Variants in CAMK4 observed in about 807,000 individuals in gnomAD.
CAMK4 encodes calcium/calmodulin-dependent protein kinase type IV.
A neutral mutation model predicts 44.9 loss-of-function variants in CAMK4; 22 were observed. The observed-to-expected ratio is 0.49, with a 90% CI of 0.35 to 0.70. CAMK4 has a LOEUF of 0.70. Among genes scored for constraint, CAMK4 ranks in the 30% least tolerant of loss-of-function variants. The pLI, the probability that CAMK4 is intolerant of heterozygous loss-of-function variation, is 0.01. For missense variants in CAMK4, 498 were observed against 586.8 expected (o/e 0.85, Z 1.56); for synonymous variants, 218 against 215.4 (o/e 1.01, Z -0.11).
chr5:111,336,373 T>C (rs1200878846), intron 1 of CAMK4, among the ~76,000 whole-genome samples: 1 of 151,250 alleles, frequency 6.6e-6, no homozygotes, highest in Non-Finnish European at 1.5e-5. Flanking sequence ...ATGCTTTATG[T>C]CAAAATAGTT....
chr5:111,404,034 G>A (rs1377041315), intron 5 of CAMK4, among the ~76,000 whole-genome samples: 10 of 152,198 alleles, frequency 6.6e-5, no homozygotes, highest in Non-Finnish European at 2.9e-5. Flanking sequence ...GTTGGGAAGT[G>A]CAGCCAGTGC....
At position 111,486,539 on chromosome 5, in the gene CAMK4, A is replaced by AC. The variant is rs1755633998; in HGVS notation, c.*2074dup. On this transcript the variant is annotated 3_prime_UTR_variant, in exon 11 of 11. Coordinates refer to ENST00000282356, the MANE Select transcript of CAMK4 (RefSeq NM_001744.6). ...CACACACACACACACACACACACAC[A>AC]CACGTGTTGGAAGAGCAAAGAGAGG... The AC allele has an allele frequency of 7.3e-6, 1 of 136,306 alleles. No homozygotes were observed. Among genetic ancestry groups the AC allele is most frequent in the Non-Finnish European group, 1.6e-5 (1 of 63,438 alleles). The allele number at this position is 136,306 out of a possible 1,614,324, so 8.4% of individuals were successfully genotyped here.
intron 1 of CAMK4, among the ~76,000 whole-genome samples, chr5:111,257,736 G>A (rs903941389): frequency 2.6e-5 from 4 of 152,130 alleles, no homozygotes; most frequent in African/African-American, 9.7e-5. Context: ...GCAAAGACAT[G>A]GAATCAACCC....
intron 1 of CAMK4, among the ~76,000 whole-genome samples, chr5:111,263,154 A>T (rs1750067570): frequency 6.6e-6 from 1 of 152,198 alleles, no homozygotes; most frequent in Admixed American, 6.5e-5. Flanking sequence ...ATAAATCTTG[A>T]CTATGTCAGG....
At position 111,491,574 on chromosome 5, in the gene CAMK4, G is replaced by C. The variant is rs535032946; in HGVS notation, c.*7108G>C. ...TACAACTTAGTGAAATTTTCCTACA[G>C]AACTAAAAACGCAAAATTGCATCAC... On this transcript the variant is annotated 3_prime_UTR_variant, in exon 11 of 11. Coordinates refer to ENST00000282356, the MANE Select transcript of CAMK4 (RefSeq NM_001744.6). 6.6e-6 allele frequency: 1 copy of C among 152,030 alleles called. No homozygotes were observed. Among genetic ancestry groups the C allele is most frequent in the African/African-American group, 2.4e-5 (1 of 41,390 alleles). 9.4% of individuals were successfully genotyped at this position (152,030 alleles called of 1,614,324 possible).
chr5:111,271,308 G>C (rs970372980), intron 1 of CAMK4, among the ~76,000 whole-genome samples: 4 of 152,122 alleles, frequency 2.6e-5, no homozygotes, highest in Non-Finnish European at 4.4e-5. Context: ...AACTCTCTCT[G>C]GGTTCTGGTT....
Position 111,484,412 on chromosome 5 carries a change from C to T in CAMK4, c.1368C>T (p.Ser456=). 7.7e-6 allele frequency: 12 copies of T among 1,560,454 alleles called. No homozygotes were observed. Among genetic ancestry groups the T allele is most frequent in the Non-Finnish European group, 1.0e-5 (12 of 1,155,080 alleles). The change falls in exon 11 of 11, where the codon AGC becomes AGT. Residue 456 remains serine, a synonymous_variant. Coordinates refer to ENST00000282356, the MANE Select transcript of CAMK4 (RefSeq NM_001744.6). The surrounding 1 kb of genome is among the most constrained non-coding windows in gnomAD (Gnocchi z 5.3). The part of the protein sequence containing the change: ...EAAAPREGQG[S]SAVGFEVPQQ... ...CAGCTCCCAGAGAAGGGCAAGGAAG[C>T]TCTGCTGTGGGTTTTGAAGTTCCAC...
intron 1 of CAMK4, among the ~76,000 whole-genome samples, chr5:111,247,682 TC>T (rs1301684382): frequency 1.3e-5 from 2 of 152,252 alleles, no homozygotes; most frequent in African/African-American, 4.8e-5. Context: ...TCAGTTTTGC[TC>T]CTAAGGACTT....
At chr5:111,283,375 A>G (rs1751102456) in intron 1 of CAMK4, among the ~76,000 whole-genome samples, 1 of 152,232 alleles carries the variant, frequency 6.6e-6, no homozygotes, top group Non-Finnish European at 1.5e-5. Context: ...ACCTCTTCAC[A>G]GTCAGAGTTA....
At position 111,278,983 on chromosome 5, in the gene CAMK4, G is replaced by A. The variant is rs569854853; in HGVS notation, c.161+54339G>A. 1.3e-4 allele frequency among the ~76,000 whole-genome samples: 20 copies of A among 152,238 alleles called. No homozygotes were observed. The East Asian group carries it at 3.7e-3, about 28-fold the overall frequency. On this transcript the variant is annotated intron_variant, in intron 1 of 10. Coordinates refer to ENST00000282356, the MANE Select transcript of CAMK4 (RefSeq NM_001744.6). Reference sequence around the variant, plus strand: ...GGTAGGGTACCGCAATACAACCTCTGGGGCAACCGTTAGAGACTATGATGG... The same window carrying A: ...GGTAGGGTACCGCAATACAACCTCTAGGGCAACCGTTAGAGACTATGATGG...
At position 111,485,526 on chromosome 5, in the gene CAMK4, C is replaced by T. The variant is rs985447712; in HGVS notation, c.*1060C>T. ...AAGAAAACATTATTGTTTATCAAAGCTCTTTTTTTATCCAATTGATGGTTA... is the reference window on the plus strand; with the variant it reads ...AAGAAAACATTATTGTTTATCAAAGTTCTTTTTTTATCCAATTGATGGTTA... On this transcript the variant is annotated 3_prime_UTR_variant, in exon 11 of 11. Transcript: ENST00000282356. The T allele has an allele frequency of 6.6e-6, 1 of 151,772 alleles. No individual in the cohort carries two copies. Among genetic ancestry groups the T allele is most frequent in the Non-Finnish European group, 1.5e-5 (1 of 67,908 alleles). The allele number at this position is 151,772 out of a possible 1,614,324, so 9.4% of individuals were successfully genotyped here.
chr5:111,427,337 G>A (rs1027675975), intron 5 of CAMK4, among the ~76,000 whole-genome samples: 11 of 152,234 alleles, frequency 7.2e-5, no homozygotes, highest in African/African-American at 2.4e-4. Flanking sequence ...CTTGATCCCC[G>A]AAAAGCCACC....
At chr5:111,412,287 C>G (rs1752658601) in intron 5 of CAMK4, among the ~76,000 whole-genome samples, 1 of 151,204 alleles carries the variant, frequency 6.6e-6, no homozygotes, top group African/African-American at 2.5e-5. Context: ...GATGAGCACT[C>G]TATAAAACAG....
At chr5:111,294,066 T>G (rs1443039653) in intron 1 of CAMK4, among the ~76,000 whole-genome samples, 1 of 152,144 alleles carries the variant, frequency 6.6e-6, no homozygotes, top group Non-Finnish European at 1.5e-5. Context: ...AAAAATGACT[T>G]GCTTTCATGA....
In CAMK4 at chr5:111,224,541, A is replaced by G. The variant is rs1748077261; in HGVS notation, c.58A>G (p.Ser20Gly). 1 of 1,611,196 alleles carries G rather than the reference A, an allele frequency of 6.2e-7. No individual in the cohort carries two copies. The highest frequency in any genetic ancestry group is 1.3e-5 in the African/African-American group (1 of 74,774). ...SASSCSSVTA[S>G]AAPGTASLVP... ...CTCGTCCTGCTCTTCGGTCACCGCC[A>G]GTGCGGCCCCGGGGACCGCGAGCCT... is the stretch of plus-strand genomic sequence containing the variant. The change falls in exon 1 of 11, where the codon AGT becomes GGT. Residue 20 changes from serine (S) to glycine (G), a missense_variant. Coordinates refer to ENST00000282356, the MANE Select transcript of CAMK4 (RefSeq NM_001744.6). The surrounding 1 kb of genome is among the most constrained non-coding windows in gnomAD (Gnocchi z 5.7).
At chr5:111,404,978 C>G (rs1487308541) in intron 5 of CAMK4, among the ~76,000 whole-genome samples, 1 of 152,104 alleles carries the variant, frequency 6.6e-6, no homozygotes, top group South Asian at 2.1e-4. Flanking sequence ...AGACTTTGTT[C>G]TAGACTTTGA....
Position 111,256,987 on chromosome 5 carries a change from T to C in CAMK4, c.161+32343T>C, listed in dbSNP as rs185677235. ...AACTGGATCTTTTCTTTACACCTTA[T>C]ACAAAAATTAACTCAAGATGGATTA... is the stretch of plus-strand genomic sequence containing the variant. On this transcript the variant is annotated intron_variant, in intron 1 of 10. Transcript: ENST00000282356. Among the ~76,000 whole-genome samples the C allele has an allele frequency of 1.7e-3, 266 of 152,252 alleles. 3 individuals carry two copies. In the Middle Eastern group the frequency reaches 0.027, roughly 16 times the overall value.
At chr5:111,353,166 TGTGTGCCAGGAACTTTACATACACTATTG>T (rs1750185002) in intron 2 of CAMK4, among the ~76,000 whole-genome samples, 1 of 152,074 alleles carries the variant, frequency 6.6e-6, no homozygotes, top group African/African-American at 2.4e-5. Flanking sequence ...GAGCAATCAC[TGTGTGCCAGGAACTTTACATACACTATTG>T]CAATAAAAAT....
At chr5:111,266,025 T>A (rs1644496) in intron 1 of CAMK4, 77,801 of 151,914 alleles carry the variant, frequency 0.51, 20,333 homozygotes, top group East Asian at 0.71. Context: ...TAGCACAGCA[T>A]TTCTTCAGAG....
Sources: gnomAD v4.1 joint callset for allele counts (sites outside exome capture counted in the v4.1 genomes callset) on GRCh38, gnomAD v4.1.1 for gene constraint, Gnocchi (gnomAD v3.1) non-coding constraint, MANE v1.5 for transcripts, NCBI Gene and HGNC (gene_info 2026-07-23, HGNC 2026-07-21) for gene names.